The following SOCS2 variants were observed in gnomAD, a reference collection of about 807,000 sequenced individuals.
The protein encoded by SOCS2 is suppressor of cytokine signaling 2.
A neutral mutation model predicts 18.6 loss-of-function variants in SOCS2; 10 were observed. The observed-to-expected ratio is 0.54, with a 90% CI of 0.33 to 0.91. The LOEUF is 0.91. Among genes scored for constraint, SOCS2 ranks in the 40% least tolerant of loss-of-function variants. The probability of loss-of-function intolerance (pLI) is 0.02; values close to 1 mark genes in which losing one functional copy is unlikely to be tolerated. For missense variants in SOCS2, 231 were observed against 247.2 expected (o/e 0.93, Z 0.44); for synonymous variants, 104 against 104.0 (o/e 1.00, Z 0.00).
At chr12:93,578,936 C>T (rs1007431356), downstream of SOCS2, among the ~76,000 whole-genome samples, 12 of 152,194 alleles carry the variant, frequency 7.9e-5, no homozygotes, top group Admixed American at 1.3e-4. Flanking sequence ...AATTACAGTT[C>T]TTGGCCTCCT....
downstream of SOCS2, among the ~76,000 whole-genome samples, chr12:93,577,518 C>CTTT (rs751932008): frequency 7.2e-6 from 1 of 139,324 alleles, no homozygotes; most frequent in African/African-American, 2.6e-5. Flanking sequence ...TATCCTAGCT[C>CTTT]TTTTTTTTTT....
downstream of SOCS2, among the ~76,000 whole-genome samples, chr12:93,578,490 G>A (rs1353764847): frequency 2.0e-5 from 3 of 152,188 alleles, no homozygotes; most frequent in South Asian, 2.1e-4. Flanking sequence ...TCTTTAAGTC[G>A]TCCTTTCTAT....
chr12:93,625,473 C>T, the SOCS2 span, among the ~76,000 whole-genome samples: 2 of 152,080 alleles, frequency 1.3e-5, no homozygotes, highest in African/African-American at 2.4e-5. Context: ...GAGGGCCGGG[C>T]GCGGTGGCTC....
At chr12:93,584,311 C>A (rs1954570614), downstream of SOCS2, among the ~76,000 whole-genome samples, 1 of 152,186 alleles carries the variant, frequency 6.6e-6, no homozygotes, top group South Asian at 2.1e-4. Context: ...GGTCAGATAA[C>A]AACCTATTTT....
At chr12:93,622,519 G>A in the SOCS2 span, among the ~76,000 whole-genome samples, 2 of 152,160 alleles carry the variant, frequency 1.3e-5, no homozygotes, top group Admixed American at 6.5e-5. Context: ...TACACGACCA[G>A]TGAAGAAGAG....
rs1954418828 is a variant in SOCS2, at chr12:93,575,046, C to T, written c.464C>T (p.Pro155Leu). The change falls in exon 2 of 2, where the codon CCG (proline) becomes CTG (leucine). Residue 155 changes from proline to leucine, a missense_variant. Pro to Leu is a moderately conservative substitution (Grantham distance 98). Around this residue, in one of 3 missense-constraint regions of SOCS2, gnomAD observed 122 missense variants for 127.2 expected, o/e 0.96. Transcript: ENST00000551556. Reference protein sequence around the residue: ...NGTVHLYLTKPLYTSAPSLQH... With the variant: ...NGTVHLYLTKLLYTSAPSLQH... ...ACTGTTCACCTTTATCTGACCAAACCGCTCTACACGTCAGCACCATCTCTG... is the reference window on the plus strand; with the variant it reads ...ACTGTTCACCTTTATCTGACCAAACTGCTCTACACGTCAGCACCATCTCTG... The T allele has an allele frequency of 1.2e-6, 2 of 1,613,446 alleles. No homozygotes were observed. Among genetic ancestry groups the T allele is most frequent in the Non-Finnish European group, 8.5e-7 (1 of 1,179,742 alleles).
chr12:93,584,716 T>G (rs923052716), downstream of SOCS2, among the ~76,000 whole-genome samples: 1 of 152,180 alleles, frequency 6.6e-6, no homozygotes, highest in Non-Finnish European at 1.5e-5. Flanking sequence ...TAAATCCTAA[T>G]TATCCAGCTT....
the SOCS2 span, among the ~76,000 whole-genome samples, chr12:93,623,452 C>G: frequency 2.0e-5 from 3 of 151,584 alleles, no homozygotes; most frequent in Non-Finnish European, 2.9e-5. Flanking sequence ...TTATACTTTA[C>G]GTTTTAGGGT....
At chr12:93,573,559 A>G (rs986583453) in intron 1 of SOCS2, 4 of 217,072 alleles carry the variant, frequency 1.8e-5, no homozygotes, top group Non-Finnish European at 2.7e-5. Flanking sequence ...CGCGGCTTCC[A>G]TGGTCGGCGC....
At chr12:93,600,887 C>G in the SOCS2 span, among the ~76,000 whole-genome samples, 1 of 151,466 alleles carries the variant, frequency 6.6e-6, no homozygotes, top group African/African-American at 2.4e-5. Flanking sequence ...CTCCTGGGCT[C>G]AAGGGGTCCT....
chr12:93,586,523 C>T (rs575520314), downstream of SOCS2, among the ~76,000 whole-genome samples: 13 of 152,248 alleles, frequency 8.5e-5, no homozygotes, highest in East Asian at 2.5e-3. Flanking sequence ...CAACCTCTTT[C>T]TAGGATGAGG....
At chr12:93,602,153 C>A in the SOCS2 span, among the ~76,000 whole-genome samples, 1 of 152,082 alleles carries the variant, frequency 6.6e-6, no homozygotes, top group African/African-American at 2.4e-5. Context: ...AGTGCAGTGG[C>A]GCGATCACAG....
the SOCS2 span, among the ~76,000 whole-genome samples, chr12:93,610,711 T>C: frequency 6.6e-6 from 1 of 152,230 alleles, no homozygotes; most frequent in Non-Finnish European, 1.5e-5. Context: ...GAAGACACAG[T>C]GTTCATCCGT....
chr12:93,616,274 A>C, the SOCS2 span, among the ~76,000 whole-genome samples: 1 of 152,334 alleles, frequency 6.6e-6, no homozygotes, highest in South Asian at 2.1e-4. Flanking sequence ...TTCAAGCTTG[A>C]GACTGTAGAC....
At chr12:93,621,300 G>A in the SOCS2 span, among the ~76,000 whole-genome samples, 4 of 152,012 alleles carry the variant, frequency 2.6e-5, no homozygotes, top group Non-Finnish European at 5.9e-5. Context: ...TTGCCTCAAA[G>A]CACCTGAGGG....
the SOCS2 span, among the ~76,000 whole-genome samples, chr12:93,618,799 C>T: frequency 2.6e-5 from 4 of 152,204 alleles, no homozygotes; most frequent in Admixed American, 2.6e-4. Flanking sequence ...TTTACCAGAA[C>T]ATAAGCCCCA....
At chr12:93,611,844 T>C in the SOCS2 span, among the ~76,000 whole-genome samples, 1 of 152,190 alleles carries the variant, frequency 6.6e-6, no homozygotes, top group African/African-American at 2.4e-5. Flanking sequence ...AAGACTTCCT[T>C]TGATATTCAG....
chr12:93,620,980 C>T, the SOCS2 span, among the ~76,000 whole-genome samples: 1 of 152,342 alleles, frequency 6.6e-6, no homozygotes, highest in African/African-American at 2.4e-5. Flanking sequence ...GTCTGCACTA[C>T]TTGGGAGCCC....
chr12:93,614,141 T>C, the SOCS2 span, among the ~76,000 whole-genome samples: 1 of 152,098 alleles, frequency 6.6e-6, no homozygotes, highest in Non-Finnish European at 1.5e-5. Context: ...CCACTCGCTC[T>C]CTCAACCAGG....
Sources: gnomAD v4.1 joint callset for allele counts (sites outside exome capture counted in the v4.1 genomes callset) on GRCh38, gnomAD v4.1.1 for gene constraint, gnomAD v4.1.1 regional missense constraint, MANE v1.5 for transcripts, NCBI Gene and HGNC (gene_info 2026-07-23, HGNC 2026-07-21) for gene names.